ADGRG2: variants seen among roughly 807,000 people sequenced by gnomAD.
The protein encoded by ADGRG2 is G protein-coupled receptor 64.
A neutral mutation model predicts 74.1 loss-of-function variants in ADGRG2; 26 were observed. The observed-to-expected ratio is 0.35, with a 90% confidence interval of 0.26 to 0.49. ADGRG2 has a LOEUF of 0.49. Ranked by LOEUF, ADGRG2 falls within the 20% of genes least tolerant of loss-of-function variation. The pLI, the probability that ADGRG2 is intolerant of heterozygous loss-of-function variation, is 0.99. For missense variants in ADGRG2, 619 were observed against 763.1 expected (o/e 0.81, Z 2.22); for synonymous variants, 296 against 295.2 (o/e 1.00, Z -0.03).
At chrX:19,053,631 CAGG>C (rs1383624002) in intron 3 of ADGRG2, among the ~76,000 whole-genome samples, 3 of 112,199 alleles carry the variant, frequency 2.7e-5, no homozygotes, top group Non-Finnish European at 5.6e-5. Flanking sequence ...ATAAGTGTAA[CAGG>C]ACATACTTCA....
intron 3 of ADGRG2, among the ~76,000 whole-genome samples, chrX:19,065,480 G>A (rs1240581237): frequency 9.0e-6 from 1 of 111,428 alleles, no homozygotes; most frequent in Non-Finnish European, 1.9e-5. Flanking sequence ...GCTGCCTTGA[G>A]TGATCACTCA....
intron 1 of ADGRG2, among the ~76,000 whole-genome samples, chrX:19,110,139 A>G (rs1413206976): frequency 1.8e-5 from 2 of 111,873 alleles, no homozygotes; most frequent in Non-Finnish European, 3.8e-5. Context: ...ACTACATGCC[A>G]AATACTATTC....
In ADGRG2 at chrX:19,002,355, G is replaced by A. The variant is rs559181021; in HGVS notation, c.2230+491C>T. Among the ~76,000 whole-genome samples the A allele has an allele frequency of 7.2e-5, 8 of 111,650 alleles. No individual in the cohort carries two copies. In the South Asian group the frequency reaches 2.2e-3, roughly 31 times the overall value. On this transcript the variant is annotated intron_variant, in intron 24 of 28. Transcript: ENST00000379869. ...GCACAATCTGAAATGTCATGCCCACGTGGCAGTGAAGTTACAATGGGTTTT... is the reference window on the plus strand; with the variant it reads ...GCACAATCTGAAATGTCATGCCCACATGGCAGTGAAGTTACAATGGGTTTT...
chrX:19,000,053 G>C (rs1201597195), intron 24 of ADGRG2, 93 bp from the exon 25 acceptor site: 6 of 472,482 alleles, frequency 1.3e-5, no homozygotes, highest in Non-Finnish European at 2.2e-5. Flanking sequence ...GAGTGCAGTG[G>C]TGCGATCTCG....
At chrX:19,117,712 G>A (rs189924871) in intron 1 of ADGRG2, among the ~76,000 whole-genome samples, 110 of 111,039 alleles carry the variant, frequency 9.9e-4, no homozygotes, top group Non-Finnish European at 1.3e-3. Context: ...AGCTACTCAG[G>A]AGGCTGAGGC....
chrX:19,090,943 G>C (rs2062008187), intron 1 of ADGRG2, among the ~76,000 whole-genome samples: 1 of 111,389 alleles, frequency 9.0e-6, no homozygotes, highest in Non-Finnish European at 1.9e-5. Flanking sequence ...TGAAGACAGG[G>C]GGATCTGACC....
intron 3 of ADGRG2, among the ~76,000 whole-genome samples, chrX:19,052,561 A>T (rs1436167005): frequency 1.8e-5 from 2 of 108,799 alleles, no homozygotes; most frequent in African/African-American, 6.6e-5. Flanking sequence ...TTTATTATAT[A>T]TTATTTATAT....
At chrX:19,060,727 T>C (rs1002059742) in intron 3 of ADGRG2, among the ~76,000 whole-genome samples, 3 of 110,080 alleles carry the variant, frequency 2.7e-5, no homozygotes, top group African/African-American at 9.9e-5. Flanking sequence ...TTTGTATTTT[T>C]AGTAGAGACA....
chrX:19,053,961 G>C (rs2061369965), intron 3 of ADGRG2, among the ~76,000 whole-genome samples: 2 of 111,487 alleles, frequency 1.8e-5, no homozygotes, highest in Non-Finnish European at 3.8e-5. Flanking sequence ...CACAAGAACA[G>C]TATGGGGGAA....
At chrX:19,002,057 G>A (rs992843437) in intron 24 of ADGRG2, among the ~76,000 whole-genome samples, 7 of 111,269 alleles carry the variant, frequency 6.3e-5, no homozygotes, top group African/African-American at 2.3e-4. Context: ...TTCTGCCTGA[G>A]CAAAACCACT....
chrX:19,085,019 T>C (rs1180244439), intron 1 of ADGRG2, among the ~76,000 whole-genome samples: 1 of 112,376 alleles, frequency 8.9e-6, no homozygotes, highest in Non-Finnish European at 1.9e-5. Context: ...GCATGCTTTT[T>C]GATACAGAAA....
intron 23 of ADGRG2, among the ~76,000 whole-genome samples, chrX:19,004,367 C>T (rs924961590): frequency 2.7e-5 from 3 of 112,267 alleles, no homozygotes; most frequent in Non-Finnish European, 5.6e-5. Context: ...TGTATTTAAT[C>T]TTTTGTGTTT....
intron 8 of ADGRG2, 98 bp downstream of exon 8, chrX:19,033,515 G>T (rs2060870588): frequency 2.0e-6 from 1 of 490,131 alleles, no homozygotes; most frequent in Admixed American, 3.5e-5. Context: ...ATCTTGAAAA[G>T]TTTGGAAAAA....
intron 3 of ADGRG2, among the ~76,000 whole-genome samples, chrX:19,052,250 G>C (rs767482261): frequency 6.6e-4 from 74 of 111,864 alleles, no homozygotes; most frequent in African/African-American, 2.3e-3. Flanking sequence ...CACCTGAGAG[G>C]CTGTCTGTAA....
intron 9 of ADGRG2, among the ~76,000 whole-genome samples, chrX:19,030,174 A>G (rs755475191): frequency 8.9e-6 from 1 of 112,465 alleles, no homozygotes; most frequent in East Asian, 2.8e-4. Flanking sequence ...ATTGCTTATT[A>G]CTATAATCAC....
intron 3 of ADGRG2, among the ~76,000 whole-genome samples, chrX:19,061,508 T>C (rs1054905114): frequency 6.3e-5 from 7 of 111,971 alleles, no homozygotes; most frequent in Admixed American, 3.8e-4. Flanking sequence ...TCATTCTGTG[T>C]TCAATATGTA....
At chrX:19,087,577 A>G (rs1311635176) in intron 1 of ADGRG2, among the ~76,000 whole-genome samples, 1 of 112,594 alleles carries the variant, frequency 8.9e-6, no homozygotes, top group Non-Finnish European at 1.9e-5. Flanking sequence ...AGGCACAGCC[A>G]AAGAGTTTAA....
intron 1 of ADGRG2, among the ~76,000 whole-genome samples, chrX:19,102,055 A>G (rs2062196440): frequency 9.1e-6 from 1 of 110,453 alleles, no homozygotes; most frequent in South Asian, 3.9e-4. Flanking sequence ...GGATGTTAGT[A>G]GGGGAGGAAG....
Position 19,010,762 on chromosome X carries a change from G to T in ADGRG2, c.1116C>A (p.Ser372Arg). Residue 372 changes from serine to arginine, a missense_variant, in exon 17 of 29, where the codon AGC becomes AGA. Around this residue, in one of 3 missense-constraint regions of ADGRG2, gnomAD observed 292 missense variants for 318.0 expected, o/e 0.92. Coordinates refer to ENST00000379869, the MANE Select transcript of ADGRG2 (RefSeq NM_001079858.3). ...PPVQTDIVNT[S>R]SISDLENQVL... ...CTTGGTTCTCAAGATCAGAAATACTGCTGGTGTTGACGATGTCTATATCAA... is the reference window on the plus strand; with the variant it reads ...CTTGGTTCTCAAGATCAGAAATACTTCTGGTGTTGACGATGTCTATATCAA... The T allele has an allele frequency of 8.3e-7, 1 of 1,197,644 alleles. No homozygotes were observed. Among genetic ancestry groups the T allele is most frequent in the Non-Finnish European group, 1.1e-6 (1 of 886,294 alleles).
Sources: gnomAD v4.1 joint callset for allele counts (sites outside exome capture counted in the v4.1 genomes callset) on GRCh38, gnomAD v4.1.1 for gene constraint, gnomAD v4.1.1 regional missense constraint, MANE v1.5 for transcripts, NCBI Gene and HGNC (gene_info 2026-07-23, HGNC 2026-07-21) for gene names.